The following PAK5 variants were observed in gnomAD, a reference collection of about 807,000 sequenced individuals.
PAK5 encodes p21 (RAC1) activated kinase 5.
Under a neutral mutation model 65.9 loss-of-function variants are expected in PAK5, and 16 were observed. That is an observed-to-expected ratio of 0.24 (90% CI 0.16 to 0.37). PAK5 has a LOEUF of 0.37. Among genes scored for constraint, PAK5 ranks in the 10% least tolerant of loss-of-function variants. The probability of loss-of-function intolerance (pLI) is 1.00; values close to 1 mark genes in which losing one functional copy is unlikely to be tolerated. For synonymous variants in PAK5, 371 were observed against 354.9 expected, an observed-to-expected ratio of 1.05 and a Z score of -0.51; for missense variants, 785 against 903.9, an observed-to-expected ratio of 0.87 and a Z score of 1.69.
At chr20:9,674,159 G>A (rs371826643) in intron 2 of PAK5, among the ~76,000 whole-genome samples, 10 of 152,146 alleles carry the variant, frequency 6.6e-5, no homozygotes, top group Non-Finnish European at 1.3e-4. Flanking sequence ...AGAATGGCAC[G>A]GCCTTGCTGA....
chr20:9,543,337 A>G (rs574980945), intron 8 of PAK5, among the ~76,000 whole-genome samples: 1 of 152,310 alleles, frequency 6.6e-6, no homozygotes, highest in East Asian at 1.9e-4. Flanking sequence ...AAGAATGGGA[A>G]GTCGAGACAA....
chr20:9,642,484 A>G (rs1391578924), intron 3 of PAK5, among the ~76,000 whole-genome samples: 1 of 152,206 alleles, frequency 6.6e-6, no homozygotes, highest in Non-Finnish European at 1.5e-5. Flanking sequence ...CCCCATGGTG[A>G]TAAATAGTAG....
Position 9,819,853 on chromosome 20 carries a change from T to C in PAK5, c.-162+18909A>G, listed in dbSNP as rs78331933. On this transcript the variant is annotated intron_variant, in intron 1 of 9. Coordinates refer to ENST00000353224, the MANE Select transcript of PAK5 (RefSeq NM_177990.4). The stretch of plus-strand genomic sequence containing the variant: ...ATCCTGAGACTTTTGTTAGAACTAT[T>C]GGGCTAGAGAGTATTTTTTGCTGGA... 4.4e-3 allele frequency among the ~76,000 whole-genome samples: 672 copies of C among 152,274 alleles called. 16 individuals carry two copies. Among genetic ancestry groups the C allele is most frequent in the Admixed American group, 0.031 (477 of 15,286 alleles).
intron 2 of PAK5, among the ~76,000 whole-genome samples, chr20:9,673,309 CTCTT>C (rs1406462283): frequency 6.6e-6 from 1 of 152,068 alleles, no homozygotes; most frequent in Non-Finnish European, 1.5e-5. Context: ...TCTCTCAAAT[CTCTT>C]TCCTTAAATA....
chr20:9,613,501 G>GT (rs1304769182), intron 3 of PAK5, among the ~76,000 whole-genome samples: 1 of 152,166 alleles, frequency 6.6e-6, no homozygotes, highest in Non-Finnish European at 1.5e-5. Context: ...CCTTTTGTGA[G>GT]TTTTATCTCC....
Position 9,644,079 on chromosome 20 carries a change from A to C in PAK5, c.204+46T>G, listed in dbSNP as rs1253013347. ...TAAAGCTGATGCAGTGCATTAAATA[A>C]GAGCATGATTCTTAAGCCCAGCCAA... On this transcript the variant is annotated intron_variant, in intron 3 of 9. Coordinates refer to ENST00000353224, the MANE Select transcript of PAK5 (RefSeq NM_177990.4). The C allele has an allele frequency of 2.1e-6, 3 of 1,445,370 alleles. No homozygotes were observed. In the South Asian group the frequency reaches 3.4e-5, roughly 17 times the overall value. 89.5% of individuals were successfully genotyped at this position (1,445,370 alleles called of 1,614,324 possible). A position where few individuals can be genotyped will look rare whatever the true frequency, so the allele number is the denominator to read the frequency against.
At chr20:9,694,955 G>T (rs2047848628) in intron 2 of PAK5, among the ~76,000 whole-genome samples, 1 of 151,912 alleles carries the variant, frequency 6.6e-6, no homozygotes, top group Non-Finnish European at 1.5e-5. Flanking sequence ...GAGTATATTT[G>T]GCTTTAGTAG....
intron 1 of PAK5, among the ~76,000 whole-genome samples, chr20:9,825,791 G>A (rs2049477092): frequency 1.3e-5 from 2 of 151,998 alleles, no homozygotes; most frequent in African/African-American, 4.8e-5. Context: ...TTTCTAAAAT[G>A]TCATTTGCGT....
At chr20:9,540,559 T>C (rs937051951) in intron 9 of PAK5, among the ~76,000 whole-genome samples, 3 of 152,216 alleles carry the variant, frequency 2.0e-5, no homozygotes, top group African/African-American at 7.2e-5. Context: ...ATCTTTTAAA[T>C]TACTGTGTAG....
chr20:9,675,730 A>G (rs2047561384), intron 2 of PAK5, among the ~76,000 whole-genome samples: 1 of 152,222 alleles, frequency 6.6e-6, no homozygotes, highest in Non-Finnish European at 1.5e-5. Context: ...AACATTTATG[A>G]GAGGAAGGCA....
chr20:9,820,052 T>A (rs978826019), intron 1 of PAK5, among the ~76,000 whole-genome samples: 2 of 152,212 alleles, frequency 1.3e-5, no homozygotes, highest in African/African-American at 4.8e-5. Flanking sequence ...ACTGTATTTC[T>A]GGATGCTTCT....
intron 7 of PAK5, 98 bp from the exon 8 acceptor site, chr20:9,544,592 A>G (rs2122894375): frequency 8.7e-7 from 1 of 1,149,020 alleles, no homozygotes; most frequent in Non-Finnish European, 1.3e-6. Flanking sequence ...AAAACAAAAC[A>G]GTCTCATCAA....
intron 1 of PAK5, among the ~76,000 whole-genome samples, chr20:9,733,217 A>G (rs1284140715): frequency 2.0e-5 from 3 of 152,236 alleles, no homozygotes; most frequent in African/African-American, 7.2e-5. Context: ...GCATAATTAC[A>G]CACTGGGATA....
intron 3 of PAK5, among the ~76,000 whole-genome samples, chr20:9,601,901 C>T (rs1201786933): frequency 6.6e-6 from 1 of 152,134 alleles, no homozygotes; most frequent in African/African-American, 2.4e-5. Flanking sequence ...CAGAGTAACC[C>T]TACCAGCCTA....
chr20:9,621,300 C>T (rs1338912775), intron 3 of PAK5, among the ~76,000 whole-genome samples: 3 of 150,882 alleles, frequency 2.0e-5, no homozygotes, highest in Admixed American at 2.0e-4. Flanking sequence ...TAAAAAGGAA[C>T]AGATGGCGGG....
intron 3 of PAK5, 99 bp downstream of exon 3, chr20:9,644,026 G>A: frequency 1.2e-6 from 1 of 805,152 alleles, no homozygotes; most frequent in Non-Finnish European, 2.1e-6. Flanking sequence ...TAAAAAATAT[G>A]TGGTTTAGGC....
chr20:9,566,232 G>T lies in PAK5; in HGVS notation c.1143C>A (p.Thr381=), dbSNP rs764773733. ...TCTGCAGGGAGGGGTGATGGTACAAGGTGGCTTTGTGGTACCCAGACGGGT... is the reference window on the plus strand; with the variant it reads ...TCTGCAGGGAGGGGTGATGGTACAATGTGGCTTTGTGGTACCCAGACGGGT... ...HQYPSGYHKA[T]LYHHPSLQSS... The change falls in exon 5 of 10, where the codon ACC becomes ACA. Residue 381 remains threonine (T), a synonymous_variant. Transcript: ENST00000353224. 6.2e-7 allele frequency: 1 copy of T among 1,613,862 alleles called. No homozygotes were observed. The highest frequency in any genetic ancestry group is 1.7e-5 in the Admixed American group (1 of 60,016).
At position 9,538,757 on chromosome 20, in the gene PAK5, C is replaced by T. The variant is rs746421407; in HGVS notation, c.*705G>A. The T allele has an allele frequency of 8.6e-6, 2 of 233,314 alleles. No homozygotes were observed. The highest frequency in any genetic ancestry group is 8.5e-6 in the Non-Finnish European group (1 of 117,932). 14.5% of individuals were successfully genotyped at this position (233,314 alleles called of 1,614,324 possible). A position where few individuals can be genotyped will look rare whatever the true frequency, so the allele number is the denominator to read the frequency against. The stretch of plus-strand genomic sequence containing the variant: ...TTTGGTTGGATTAATGAAACGTGCA[C>T]ACCATCACCATCACTCTTAATTCTT... On this transcript the variant is annotated 3_prime_UTR_variant, in exon 10 of 10. Transcript: ENST00000353224.
intron 2 of PAK5, among the ~76,000 whole-genome samples, chr20:9,688,313 A>C (rs543230598): frequency 6.6e-6 from 1 of 152,094 alleles, no homozygotes; most frequent in South Asian, 2.1e-4. Context: ...CTGCCTCCCC[A>C]ACACCACGCA....
Sources: gnomAD v4.1 joint callset for allele counts (sites outside exome capture counted in the v4.1 genomes callset) on GRCh38, gnomAD v4.1.1 for gene constraint, MANE v1.5 for transcripts, NCBI Gene and HGNC (gene_info 2026-07-23, HGNC 2026-07-21) for gene names.